The following GALNT11 variants were observed in gnomAD, a reference collection of about 807,000 sequenced individuals.
GALNT11 encodes the protein polypeptide N-acetylgalactosaminyltransferase 11, also known as UDP-GalNAc:polypeptide N-acetylgalactosaminyltransferase 11.
GALNT11 carries 47 observed loss-of-function variants against 72.7 expected under a neutral mutation model. That is an observed-to-expected ratio of 0.65 (90% CI 0.51 to 0.82). The LOEUF (loss-of-function observed/expected upper bound fraction) is 0.82, where lower values mean the gene tolerates loss of function less well. Ranked by LOEUF, GALNT11 falls within the 40% of genes least tolerant of loss-of-function variation. The pLI is 0.00. For missense variants in GALNT11, 677 were observed against 778.4 expected, an observed-to-expected ratio of 0.87 and a Z score of 1.55; for synonymous variants, 270 against 286.6, an observed-to-expected ratio of 0.94 and a Z score of 0.58.
intron 8 of GALNT11, chr7:152,116,878 A>AATTT: frequency 1.7e-6 from 1 of 577,684 alleles, no homozygotes; most frequent in Non-Finnish European, 3.2e-6. Context: ...TCTCTGTTTT[A>AATTT]ATTTCTGTGT....
At chr7:152,031,343 A>G (rs1319969218) in intron 1 of GALNT11, among the ~76,000 whole-genome samples, 1 of 152,234 alleles carries the variant, frequency 6.6e-6, no homozygotes, top group Non-Finnish European at 1.5e-5. Context: ...GTTGGCAGTC[A>G]TGCTCGATTG....
chr7:152,113,125 T>G, intron 7 of GALNT11, 121 bp from the exon 8 acceptor site: 1 of 1,018,588 alleles, frequency 9.8e-7, no homozygotes, highest in Non-Finnish European at 1.4e-6. Flanking sequence ...TCTAATAAGA[T>G]AAATATCTTG....
At chr7:152,061,576 T>C (rs1019060321) in intron 1 of GALNT11, among the ~76,000 whole-genome samples, 2 of 152,274 alleles carry the variant, frequency 1.3e-5, no homozygotes, top group African/African-American at 2.4e-5. Flanking sequence ...TGGTATTGCC[T>C]AGGTTTTCTT....
intron 3 of GALNT11, among the ~76,000 whole-genome samples, chr7:152,101,631 T>C (rs989325776): frequency 8.2e-6 from 1 of 122,548 alleles, no homozygotes; most frequent in Non-Finnish European, 1.6e-5. Context: ...TCTAAGTTCA[T>C]GGCTTTTTTT....
At chr7:152,095,088 T>C (rs2086286283) in intron 2 of GALNT11, among the ~76,000 whole-genome samples, 1 of 152,202 alleles carries the variant, frequency 6.6e-6, no homozygotes, top group Non-Finnish European at 1.5e-5. Context: ...TGGGGTTATT[T>C]ATATCTAATA....
chr7:152,111,086 A>C (rs1204045643), intron 7 of GALNT11, among the ~76,000 whole-genome samples: 1 of 152,184 alleles, frequency 6.6e-6, no homozygotes, highest in Non-Finnish European at 1.5e-5. Flanking sequence ...AAGAGTATAC[A>C]TGTTGATCCA....
At chr7:152,044,529 T>G (rs1468670406) in intron 1 of GALNT11, among the ~76,000 whole-genome samples, 1 of 152,196 alleles carries the variant, frequency 6.6e-6, no homozygotes, top group Non-Finnish European at 1.5e-5. Context: ...GGTTAATTCC[T>G]AGTATTTAAT....
At chr7:152,084,155 G>T (rs1474955403) in intron 1 of GALNT11, among the ~76,000 whole-genome samples, 2 of 151,222 alleles carry the variant, frequency 1.3e-5, no homozygotes, top group East Asian at 1.9e-4. Flanking sequence ...TTTTTCTTTG[G>T]TGTTTTTATT....
At chr7:152,030,095 A>C (rs903499584) in intron 1 of GALNT11, among the ~76,000 whole-genome samples, 2 of 152,160 alleles carry the variant, frequency 1.3e-5, no homozygotes, top group African/African-American at 2.4e-5. Flanking sequence ...CCGTGTGCGG[A>C]GACGAGAGAG....
chr7:152,104,498 C>T (rs890529756), intron 4 of GALNT11: 2 of 152,052 alleles, frequency 1.3e-5, no homozygotes, highest in Admixed American at 1.3e-4. Context: ...TGAGTCTGGA[C>T]CACGTAGAAG....
At chr7:152,043,640 G>A (rs2082979028) in intron 1 of GALNT11, among the ~76,000 whole-genome samples, 1 of 152,144 alleles carries the variant, frequency 6.6e-6, no homozygotes, top group Admixed American at 6.5e-5. Flanking sequence ...GTTGCTTGAG[G>A]TGCAGCTTGA....
chr7:152,058,616 G>GT (rs1348314731), intron 1 of GALNT11, among the ~76,000 whole-genome samples: 3 of 152,144 alleles, frequency 2.0e-5, no homozygotes, highest in Non-Finnish European at 4.4e-5. Flanking sequence ...GATTACAGGC[G>GT]TGAGCCACTG....
At chr7:152,052,760 G>A (rs534723593) in intron 1 of GALNT11, among the ~76,000 whole-genome samples, 7 of 152,116 alleles carry the variant, frequency 4.6e-5, no homozygotes, top group Non-Finnish European at 8.8e-5. Flanking sequence ...TATTATTTTC[G>A]TGTAACTTAA....
intron 1 of GALNT11, among the ~76,000 whole-genome samples, chr7:152,043,383 G>C (rs1002375800): frequency 6.6e-6 from 1 of 152,210 alleles, no homozygotes; most frequent in Admixed American, 6.5e-5. Context: ...CAGCACTACC[G>C]GCTGTGGCGG....
chr7:152,065,087 C>T (rs547568428), intron 1 of GALNT11, among the ~76,000 whole-genome samples: 5 of 152,356 alleles, frequency 3.3e-5, no homozygotes, highest in Non-Finnish European at 5.9e-5. Context: ...CTTTCAGGCA[C>T]ACCAATCAGA....
chr7:152,113,630 G>A (rs60913127), intron 8 of GALNT11, among the ~76,000 whole-genome samples: 7,104 of 149,714 alleles, frequency 0.047, 571 homozygotes, highest in African/African-American at 0.17. Context: ...GAAGTAATGC[G>A]GCTAATGTTG....
At chr7:152,082,806 T>C (rs2085396325) in intron 1 of GALNT11, among the ~76,000 whole-genome samples, 1 of 152,248 alleles carries the variant, frequency 6.6e-6, no homozygotes, top group Non-Finnish European at 1.5e-5. Flanking sequence ...ACTCTCAGAA[T>C]ATGTTGTCAA....
At chr7:152,111,628 G>GTGTGTATATA (rs553453480) in intron 7 of GALNT11, among the ~76,000 whole-genome samples, 3 of 144,868 alleles carry the variant, frequency 2.1e-5, no homozygotes, top group African/African-American at 8.0e-5. Context: ...GTGTGTGTGT[G>GTGTGTATATA]TATATATATA....
At chr7:152,043,564 T>G (rs1043756079) in intron 1 of GALNT11, among the ~76,000 whole-genome samples, 1 of 152,202 alleles carries the variant, frequency 6.6e-6, no homozygotes, top group Non-Finnish European at 1.5e-5. Flanking sequence ...AACAGGGAAC[T>G]GCCAAGCCTC....
Sources: allele counts gnomAD v4.1 joint callset (sites outside exome capture counted in the v4.1 genomes callset), GRCh38; gene constraint gnomAD v4.1.1; transcripts MANE v1.5; gene names NCBI Gene and HGNC (gene_info 2026-07-23, HGNC 2026-07-21).